GNAO1: variants seen among roughly 807,000 people sequenced by gnomAD.
GNAO1 encodes guanine nucleotide-binding protein G(o) subunit alpha.
For synonymous variants in GNAO1, 164 were observed against 180.7 expected, an observed-to-expected ratio of 0.91 and a Z score of 0.74; for missense variants, 166 against 478.7, an observed-to-expected ratio of 0.35 and a Z score of 6.10.
At chr16:56,244,353 A>G (rs2036722017) in intron 2 of GNAO1, among the ~76,000 whole-genome samples, 1 of 149,274 alleles carries the variant, frequency 6.7e-6, no homozygotes, top group Non-Finnish European at 1.5e-5. Flanking sequence ...TGGTCTATGG[A>G]TAACACTTAG....
chr16:56,276,223 C>A, intron 3 of GNAO1, 151 bp downstream of exon 3: 1 of 590,646 alleles, frequency 1.7e-6, no homozygotes, highest in Non-Finnish European at 2.7e-6. Context: ...CCAACCTAAG[C>A]CATTGCATCC....
chr16:56,313,533 T>A (rs2037479416), intron 3 of GNAO1, among the ~76,000 whole-genome samples: 1 of 152,168 alleles, frequency 6.6e-6, no homozygotes, highest in Non-Finnish European at 1.5e-5. Context: ...ATGGCTCGGT[T>A]CTCACACGTC....
At chr16:56,293,688 C>T (rs1436148081) in intron 3 of GNAO1, among the ~76,000 whole-genome samples, 1 of 152,176 alleles carries the variant, frequency 6.6e-6, no homozygotes, top group Non-Finnish European at 1.5e-5. Context: ...CATAACATAT[C>T]AAACCCATAA....
intron 4 of GNAO1, among the ~76,000 whole-genome samples, chr16:56,334,442 T>A (rs750903206): frequency 3.3e-5 from 5 of 152,222 alleles, no homozygotes; most frequent in Admixed American, 6.5e-5. Context: ...CAAAACAGTA[T>A]TATAATAAAC....
chr16:56,216,288 A>G (rs1596801640), intron 2 of GNAO1, among the ~76,000 whole-genome samples: 2 of 152,324 alleles, frequency 1.3e-5, no homozygotes, highest in Admixed American at 6.5e-5. Flanking sequence ...TTGTTAAGCA[A>G]AGGAAGTCCC....
rs551553039 is a variant in GNAO1 at position 56,311,787 on chromosome 16, G to A, written c.304-16844G>A. Among the ~76,000 whole-genome samples the A allele has an allele frequency of 9.9e-5, 15 of 152,052 alleles. No homozygotes were observed. Among genetic ancestry groups the A allele is most frequent in the African/African-American group, 3.1e-4 (13 of 41,402 alleles). On this transcript the variant is annotated intron_variant, in intron 3 of 8. Transcript: ENST00000262493. This position sits in a 1 kb window ranked among gnomAD's most constrained non-coding sequence, Gnocchi z 5.2. ...CCTCCTGCCCCGCCCAGCACGGCCC[G>A]CTGGGACCTCCTTGCCTGGCCCAGC...
intron 5 of GNAO1, 181 bp from the exon 6 acceptor site, chr16:56,336,550 G>T (rs1042238417): frequency 4.7e-5 from 27 of 575,376 alleles, no homozygotes; most frequent in Non-Finnish European, 8.0e-5. Flanking sequence ...AGTGCCTGGG[G>T]ATGGCAGTGA....
At chr16:56,337,651 G>C (rs1449789241) in intron 6 of GNAO1, among the ~76,000 whole-genome samples, 1 of 152,232 alleles carries the variant, frequency 6.6e-6, no homozygotes, top group Admixed American at 6.5e-5. Context: ...GATAATAATA[G>C]TACCTGCCTG....
chr16:56,319,444 G>A (rs187415069), intron 3 of GNAO1, among the ~76,000 whole-genome samples: 1 of 152,126 alleles, frequency 6.6e-6, no homozygotes, highest in Non-Finnish European at 1.5e-5. Context: ...TACACAGGGG[G>A]CAGGGCCCTG....
intron 6 of GNAO1, among the ~76,000 whole-genome samples, chr16:56,338,763 C>T (rs1198783843): frequency 6.6e-6 from 1 of 152,258 alleles, no homozygotes; most frequent in Non-Finnish European, 1.5e-5. Flanking sequence ...AGCCTAGCAG[C>T]CACAGGCCCT....
chr16:56,225,951 A>T (rs1224249701), intron 2 of GNAO1, among the ~76,000 whole-genome samples: 1 of 152,004 alleles, frequency 6.6e-6, no homozygotes, highest in Non-Finnish European at 1.5e-5. Flanking sequence ...TGGGGCAGCC[A>T]TGGAAAGGTG....
intron 2 of GNAO1, among the ~76,000 whole-genome samples, chr16:56,268,261 C>T (rs750608491): frequency 2.6e-5 from 4 of 152,252 alleles, no homozygotes; most frequent in Non-Finnish European, 4.4e-5. Context: ...AAGGGAGTGG[C>T]TTTCAGGTGG....
At chr16:56,340,462 G>A (rs575299996) in intron 6 of GNAO1, 21 of 197,014 alleles carry the variant, frequency 1.1e-4, no homozygotes, top group Admixed American at 3.2e-4. Context: ...GCAGGGTTCC[G>A]CGCAGATGCG....
intron 2 of GNAO1, among the ~76,000 whole-genome samples, chr16:56,250,077 A>G (rs1472231549): frequency 1.3e-5 from 2 of 152,182 alleles, no homozygotes; most frequent in Non-Finnish European, 2.9e-5. Flanking sequence ...AACCATCAGG[A>G]AGAATTGGTA....
intron 3 of GNAO1, among the ~76,000 whole-genome samples, chr16:56,323,307 CAGAAACTCT>C (rs1382462288): frequency 6.6e-6 from 1 of 152,112 alleles, no homozygotes; most frequent in African/African-American, 2.4e-5. Flanking sequence ...AACTGAATAC[CAGAAACTCT>C]GGAAATTATG....
intron 2 of GNAO1, among the ~76,000 whole-genome samples, chr16:56,257,551 G>C (rs58239078): frequency 0.043 from 6,470 of 152,180 alleles, 310 homozygotes; most frequent in African/African-American, 0.11. Flanking sequence ...GGGTCCTTGG[G>C]GGGGTGTGGT....
intron 2 of GNAO1, among the ~76,000 whole-genome samples, chr16:56,237,964 G>A (rs1018815475): frequency 1.3e-5 from 2 of 152,112 alleles, no homozygotes; most frequent in Non-Finnish European, 2.9e-5. Flanking sequence ...TATAAACTTC[G>A]TTCTCCATCT....
chr16:56,346,769 T>C (rs1470743215), intron 6 of GNAO1: 1 of 985,502 alleles, frequency 1.0e-6, no homozygotes. Context: ...ACTGGACACA[T>C]CCCTGCCCTC....
Position 56,326,730 on chromosome 16 carries a change from C to T in GNAO1, c.304-1901C>T, listed in dbSNP as rs2037635923. ...CCGACTCAAACTGCAGCCAGCTATACACCTGAGGCAGTGAGCTCCATGGGC... is the reference window on the plus strand; with the variant it reads ...CCGACTCAAACTGCAGCCAGCTATATACCTGAGGCAGTGAGCTCCATGGGC... On this transcript the variant is annotated intron_variant, in intron 3 of 8. Coordinates refer to ENST00000262493, the MANE Select transcript of GNAO1 (RefSeq NM_020988.3). The surrounding 1 kb of genome is among the most constrained non-coding windows in gnomAD (Gnocchi z 4.8). 6.6e-6 allele frequency among the ~76,000 whole-genome samples: 1 copy of T among 152,252 alleles called. No individual in the cohort carries two copies. Among genetic ancestry groups the T allele is most frequent in the East Asian group, 1.9e-4 (1 of 5,200 alleles).
Sources: gnomAD v4.1 joint callset for allele counts (sites outside exome capture counted in the v4.1 genomes callset) on GRCh38, gnomAD v4.1.1 for gene constraint, Gnocchi (gnomAD v3.1) non-coding constraint, MANE v1.5 for transcripts, NCBI Gene and HGNC (gene_info 2026-07-23, HGNC 2026-07-21) for gene names.